The following TGFB2 variants were observed in gnomAD, a reference collection of about 807,000 sequenced individuals.
TGFB2 encodes the protein transforming growth factor beta 2.
In TGFB2, 13 loss-of-function variants were observed where a neutral mutation model predicts 42.7. The observed-to-expected ratio is 0.30, with a 90% CI of 0.20 to 0.48. The LOEUF (loss-of-function observed/expected upper bound fraction) is 0.48, where lower values mean the gene tolerates loss of function less well. Among genes scored for constraint, TGFB2 ranks in the 20% least tolerant of loss-of-function variants. The pLI is 0.99. For missense variants in TGFB2, 390 were observed against 517.5 expected (o/e 0.75, Z 2.39); for synonymous variants, 193 against 193.6 (o/e 1.00, Z 0.03).
chr1:218,404,084 CTA>C (rs1658824546), intron 1 of TGFB2, among the ~76,000 whole-genome samples: 1 of 143,810 alleles, frequency 7.0e-6, no homozygotes, highest in Admixed American at 6.9e-5. Flanking sequence ...CAGCACAACT[CTA>C]AAGCAACCCA....
intron 2 of TGFB2, among the ~76,000 whole-genome samples, chr1:218,412,397 C>A (rs1659129742): frequency 6.6e-6 from 1 of 152,080 alleles, no homozygotes; most frequent in South Asian, 2.1e-4. Context: ...TCCTTTGAAC[C>A]CAACAATATT....
chr1:218,380,524 AATATCTTT>A (rs1430321153), intron 1 of TGFB2, among the ~76,000 whole-genome samples: 1 of 152,014 alleles, frequency 6.6e-6, no homozygotes, highest in Non-Finnish European at 1.5e-5. Flanking sequence ...GAAGATTTTT[AATATCTTT>A]ATTTGAATTG....
Position 218,405,177 on chromosome 1 carries a change from C to T in TGFB2, c.355C>T (p.Pro119Ser). Residue 119 changes from proline (P) to serine (S), a missense_variant, in exon 2 of 7, where the codon CCG becomes TCG. Transcript: ENST00000366930. ...GCCCTAATTTTTTACAGATGCCATC[C>T]CGCCCACTTTCTACAGACCCTACTT... ...PPFFPSENAI[P>S]PTFYRPYFRI... is the part of the protein sequence containing the mutation. 1 of 1,582,982 alleles carries T rather than the reference C, an allele frequency of 6.3e-7. No individual in the cohort carries two copies. The highest frequency in any genetic ancestry group is 1.7e-5 in the Admixed American group (1 of 57,150).
intron 1 of TGFB2, among the ~76,000 whole-genome samples, chr1:218,357,160 C>T (rs1465319793): frequency 4.7e-5 from 7 of 150,210 alleles, no homozygotes; most frequent in Non-Finnish European, 1.0e-4. Context: ...TGCAGTGAGC[C>T]GAGATTGCGC....
intron 2 of TGFB2, among the ~76,000 whole-genome samples, chr1:218,417,576 T>G (rs2102608328): frequency 6.6e-6 from 1 of 152,276 alleles, no homozygotes; most frequent in South Asian, 2.1e-4. Flanking sequence ...ATGCAAAAAT[T>G]TGCTTAAGTA....
intron 2 of TGFB2, among the ~76,000 whole-genome samples, chr1:218,422,906 G>A (rs1156660129): frequency 6.6e-6 from 1 of 152,122 alleles, no homozygotes; most frequent in Non-Finnish European, 1.5e-5. Flanking sequence ...GAGGACTCAA[G>A]TGCATACAAG....
chr1:218,372,422 T>C (rs993709885), intron 1 of TGFB2, among the ~76,000 whole-genome samples: 2 of 152,242 alleles, frequency 1.3e-5, no homozygotes, highest in Non-Finnish European at 1.5e-5. Context: ...GTTGCTTCTC[T>C]GTTTTCCTGG....
At chr1:218,420,177 A>G (rs1659407106) in intron 2 of TGFB2, among the ~76,000 whole-genome samples, 1 of 152,224 alleles carries the variant, frequency 6.6e-6, no homozygotes, top group African/African-American at 2.4e-5. Context: ...CTTTCCCTCA[A>G]TGGCAGGAAA....
intron 2 of TGFB2, among the ~76,000 whole-genome samples, chr1:218,426,554 A>T (rs1360049606): frequency 6.6e-6 from 1 of 152,234 alleles, no homozygotes; most frequent in South Asian, 2.1e-4. Context: ...CACATATTAT[A>T]TCTAATGATT....
intron 1 of TGFB2, among the ~76,000 whole-genome samples, chr1:218,379,185 T>G (rs1395458728): frequency 1.3e-5 from 2 of 148,854 alleles, no homozygotes; most frequent in South Asian, 2.1e-4. Flanking sequence ...CAGGCTGGAG[T>G]GCAGTGGTGC....
intron 1 of TGFB2, among the ~76,000 whole-genome samples, chr1:218,404,326 C>G (rs952740860): frequency 6.6e-6 from 1 of 152,180 alleles, no homozygotes; most frequent in Non-Finnish European, 1.5e-5. Context: ...TTGGCCAGGG[C>G]TGGTCTCAAA....
At chr1:218,439,626 C>T (rs894961458) in intron 6 of TGFB2, among the ~76,000 whole-genome samples, 14 of 152,138 alleles carry the variant, frequency 9.2e-5, no homozygotes, top group South Asian at 6.2e-4. Flanking sequence ...CGGGGGCGAC[C>T]GTGTGCTTGG....
chr1:218,405,449 T>C (rs1465445319), intron 2 of TGFB2, 117 bp downstream of exon 2: 1 of 1,561,926 alleles, frequency 6.4e-7, no homozygotes, highest in African/African-American at 1.4e-5. Context: ...ACTGCAACCT[T>C]GAACTCCTGG....
intron 4 of TGFB2, 98 bp downstream of exon 4, chr1:218,434,546 T>C: frequency 1.3e-6 from 1 of 763,052 alleles, no homozygotes. Context: ...ATGAGACTGG[T>C]AAGGCCTGGG....
chr1:218,372,457 C>T (rs1296528705), intron 1 of TGFB2, among the ~76,000 whole-genome samples: 1 of 152,216 alleles, frequency 6.6e-6, no homozygotes, highest in Non-Finnish European at 1.5e-5. Flanking sequence ...TTTCCCAAGA[C>T]TGCTGCTTAC....
At chr1:218,390,928 T>C (rs1658299715) in intron 1 of TGFB2, among the ~76,000 whole-genome samples, 1 of 152,158 alleles carries the variant, frequency 6.6e-6, no homozygotes, top group African/African-American at 2.4e-5. Context: ...GAAAGCACCA[T>C]CATTTGAAAC....
rs1657228751 is a variant in TGFB2 at position 218,362,037 on chromosome 1, T to C, written c.346+14990T>C. ...CGCCTAGAAGGTGTAATCCACACAT[T>C]TGTGAAAAATCTGCCACTGGGATCT... On this transcript the variant is annotated intron_variant, in intron 1 of 6. Transcript: ENST00000366930. 2.0e-5 allele frequency among the ~76,000 whole-genome samples: 3 copies of C among 152,212 alleles called. No individual in the cohort carries two copies. In the South Asian group the frequency reaches 6.2e-4, roughly 31 times the overall value.
chr1:218,360,772 G>T (rs926868699), intron 1 of TGFB2, among the ~76,000 whole-genome samples: 2 of 152,118 alleles, frequency 1.3e-5, no homozygotes, highest in African/African-American at 2.4e-5. Flanking sequence ...AAGCCTTTTC[G>T]CATATATCCA....
intron 1 of TGFB2, among the ~76,000 whole-genome samples, chr1:218,375,346 CA>C (rs1229585952): frequency 6.7e-6 from 1 of 150,076 alleles, no homozygotes; most frequent in African/African-American, 2.5e-5. Context: ...GATTTGCATA[CA>C]GGGGACCTGG....
Sources: allele counts gnomAD v4.1 joint callset (sites outside exome capture counted in the v4.1 genomes callset), GRCh38; gene constraint gnomAD v4.1.1; transcripts MANE v1.5; gene names NCBI Gene and HGNC (gene_info 2026-07-23, HGNC 2026-07-21).